Variants in GALNT11 observed in about 807,000 individuals in gnomAD.
GALNT11 encodes the protein polypeptide N-acetylgalactosaminyltransferase 11.
GALNT11 carries 47 observed loss-of-function variants against 72.7 expected under a neutral mutation model. The observed-to-expected ratio is 0.65, with a 90% CI of 0.51 to 0.82. The LOEUF is 0.82. Among genes scored for constraint, GALNT11 ranks in the 40% least tolerant of loss-of-function variants. GALNT11 has a pLI of 0.00. For synonymous variants in GALNT11, 270 were observed against 286.6 expected (o/e 0.94, Z 0.58); for missense variants, 677 against 778.4 (o/e 0.87, Z 1.55).
At chr7:152,061,535 A>G (rs1180926413) in intron 1 of GALNT11, among the ~76,000 whole-genome samples, 1 of 152,180 alleles carries the variant, frequency 6.6e-6, no homozygotes, top group Non-Finnish European at 1.5e-5. Flanking sequence ...TGTTTTAGAC[A>G]TGAAGTCCTT....
chr7:152,028,686 C>G (rs1050317850), intron 1 of GALNT11, among the ~76,000 whole-genome samples: 3 of 152,286 alleles, frequency 2.0e-5, no homozygotes, highest in African/African-American at 2.4e-5. Flanking sequence ...AATCCCCCCC[C>G]TCTAAACAGG....
intron 8 of GALNT11, among the ~76,000 whole-genome samples, chr7:152,114,660 G>A (rs1162418634): frequency 2.6e-5 from 4 of 151,780 alleles, no homozygotes; most frequent in East Asian, 3.9e-4. Flanking sequence ...TCCTGGGTTC[G>A]AGTGATTCTC....
intron 6 of GALNT11, among the ~76,000 whole-genome samples, chr7:152,109,200 A>G (rs756056239): frequency 3.3e-5 from 5 of 152,260 alleles, no homozygotes; most frequent in Non-Finnish European, 7.3e-5. Flanking sequence ...TTAGTTGGAC[A>G]TCCTAGTGAT....
chr7:152,099,756 C>CTTTTT (rs959548417), intron 2 of GALNT11, among the ~76,000 whole-genome samples: 7 of 88,718 alleles, frequency 7.9e-5, no homozygotes, highest in East Asian at 3.0e-4. Context: ...AACTGTGAAG[C>CTTTTT]TTTTTTTTTT....
chr7:152,105,864 T>C (rs1397602026), intron 5 of GALNT11, among the ~76,000 whole-genome samples: 1 of 152,234 alleles, frequency 6.6e-6, no homozygotes, highest in Non-Finnish European at 1.5e-5. Context: ...TGGCATTTTC[T>C]TTAAAATTCC....
intron 1 of GALNT11, chr7:152,079,424 T>C (rs1388880764): frequency 6.6e-6 from 1 of 152,222 alleles, no homozygotes; most frequent in Non-Finnish European, 1.5e-5. Flanking sequence ...TGCCATGTTG[T>C]TTGTCCTTTT....
At chr7:152,073,992 T>C (rs2084811937) in intron 1 of GALNT11, among the ~76,000 whole-genome samples, 1 of 151,624 alleles carries the variant, frequency 6.6e-6, no homozygotes, top group African/African-American at 2.4e-5. Flanking sequence ...TTAAATCTGA[T>C]TTTTTTTTCC....
At chr7:152,071,422 G>A (rs1403351520) in intron 1 of GALNT11, among the ~76,000 whole-genome samples, 1 of 152,172 alleles carries the variant, frequency 6.6e-6, no homozygotes, top group African/African-American at 2.4e-5. Flanking sequence ...GTTCCACCCG[G>A]CTCACCGGCG....
intron 9 of GALNT11, chr7:152,117,650 G>C: frequency 2.3e-6 from 1 of 427,930 alleles, no homozygotes; most frequent in East Asian, 4.3e-5. Flanking sequence ...ATACACCCCG[G>C]ACAGAGGCCA....
chr7:152,032,787 T>C (rs961136149), intron 1 of GALNT11, among the ~76,000 whole-genome samples: 2 of 152,184 alleles, frequency 1.3e-5, no homozygotes, highest in Admixed American at 6.5e-5. Flanking sequence ...CCCATATTCA[T>C]GTAGATAATA....
chr7:152,060,472 G>T (rs2083935984), intron 1 of GALNT11, among the ~76,000 whole-genome samples: 1 of 146,762 alleles, frequency 6.8e-6, no homozygotes, highest in Non-Finnish European at 1.5e-5. Context: ...ATTACTGGTA[G>T]TTTTTTTTTT....
intron 1 of GALNT11, among the ~76,000 whole-genome samples, chr7:152,072,554 T>C (rs542609955): frequency 5.3e-5 from 8 of 152,324 alleles, no homozygotes; most frequent in Non-Finnish European, 7.4e-5. Flanking sequence ...ATAATACATT[T>C]TGTGTCCTTG....
At chr7:152,090,167 T>G (rs1311736642) in intron 1 of GALNT11, among the ~76,000 whole-genome samples, 3 of 152,220 alleles carry the variant, frequency 2.0e-5, no homozygotes, top group Non-Finnish European at 2.9e-5. Flanking sequence ...AAAGTTAGCT[T>G]GGCATACACC....
At chr7:152,080,339 T>C (rs552088532) in intron 1 of GALNT11, among the ~76,000 whole-genome samples, 1 of 152,212 alleles carries the variant, frequency 6.6e-6, no homozygotes, top group Non-Finnish European at 1.5e-5. Flanking sequence ...TTTTCCATAG[T>C]TGTTCTTATA....
At chr7:152,046,996 A>C (rs915875430) in intron 1 of GALNT11, among the ~76,000 whole-genome samples, 1 of 152,194 alleles carries the variant, frequency 6.6e-6, no homozygotes, top group African/African-American at 2.4e-5. Flanking sequence ...ACAAGGCTTG[A>C]AAATAGTATC....
At chr7:152,117,625 C>T (rs915670886) in intron 9 of GALNT11, 6 of 532,144 alleles carry the variant, frequency 1.1e-5, no homozygotes, top group African/African-American at 1.9e-5. Flanking sequence ...TCCAAGAGCG[C>T]AGAGGCATAT....
chr7:152,063,772 TTGAG>T (rs1485782128), intron 1 of GALNT11, among the ~76,000 whole-genome samples: 5 of 152,222 alleles, frequency 3.3e-5, no homozygotes, highest in African/African-American at 9.6e-5. Context: ...TTGAGCGGTT[TTGAG>T]TGAGTTTCTT....
intron 1 of GALNT11, among the ~76,000 whole-genome samples, chr7:152,077,752 A>G (rs1286725539): frequency 6.6e-6 from 1 of 152,092 alleles, no homozygotes; most frequent in Non-Finnish European, 1.5e-5. Flanking sequence ...CCACCATACC[A>G]CCAAGTCAGT....
intron 1 of GALNT11, among the ~76,000 whole-genome samples, chr7:152,030,672 CTT>C (rs1231806063): frequency 2.6e-5 from 4 of 152,146 alleles, no homozygotes; most frequent in Admixed American, 1.3e-4. Context: ...CTGAGTCCCT[CTT>C]TGTCTGTCTC....
Sources: allele counts gnomAD v4.1 joint callset (sites outside exome capture counted in the v4.1 genomes callset), GRCh38; gene constraint gnomAD v4.1.1; transcripts MANE v1.5; gene names NCBI Gene and HGNC (gene_info 2026-07-23, HGNC 2026-07-21).